Variants in PSD3 observed in about 807,000 individuals in gnomAD.
PSD3 encodes the protein PH and SEC7 domain-containing protein 3.
PSD3 carries 49 observed loss-of-function variants against 105.5 expected under a neutral mutation model. That is an observed-to-expected ratio of 0.46 (90% CI 0.37 to 0.59). The LOEUF (loss-of-function observed/expected upper bound fraction) is 0.59, where lower values mean the gene tolerates loss of function less well. Ranked by LOEUF, PSD3 falls within the 20% of genes least tolerant of loss-of-function variation. The pLI is 0.00. For synonymous variants in PSD3, 557 were observed against 457.8 expected, an observed-to-expected ratio of 1.22 and a Z score of -2.77; for missense variants, 1,561 against 1,263.8, an observed-to-expected ratio of 1.24 and a Z score of -3.57.
intron 9 of PSD3, among the ~76,000 whole-genome samples, chr8:18,667,880 G>A (rs113635920): frequency 2.0e-5 from 3 of 152,214 alleles, no homozygotes; most frequent in East Asian, 1.9e-4. Flanking sequence ...CCGGCAGGCC[G>A]GCACTGCTGG....
intron 10 of PSD3, among the ~76,000 whole-genome samples, chr8:18,643,558 C>A (rs1471908212): frequency 6.6e-6 from 1 of 152,282 alleles, no homozygotes; most frequent in African/African-American, 2.4e-5. Flanking sequence ...TATGGTGAGA[C>A]AGACATAGAT....
intron 10 of PSD3, among the ~76,000 whole-genome samples, chr8:18,637,711 T>C (rs567954727): frequency 6.6e-6 from 1 of 152,222 alleles, no homozygotes; most frequent in Non-Finnish European, 1.5e-5. Flanking sequence ...CTAGTTTCTA[T>C]ATTTTATTTT....
rs868493688 is a variant in PSD3 at position 18,787,887 on chromosome 8, C to T, written c.2082+11408G>A. On this transcript the variant is annotated intron_variant, in intron 8 of 15. Coordinates refer to ENST00000327040, the MANE Select transcript of PSD3 (RefSeq NM_015310.4). ...CAAGTGTCCAAGCTCTAGCAGGTTT[C>T]GTGAACTAAGGGCAAGACTCCAAAA... is the stretch of plus-strand genomic sequence containing the variant. 3.9e-5 allele frequency among the ~76,000 whole-genome samples: 6 copies of T among 152,134 alleles called. 1 individual carries two copies. Among genetic ancestry groups the T allele is most frequent in the South Asian group, 4.1e-4 (2 of 4,830 alleles).
Position 18,668,508 on chromosome 8 carries a change from G to C in PSD3, c.2173-12823C>G, listed in dbSNP as rs1024453079. ...ACTCTCACAGCAGCCATATATGAGA[G>C]AGGTAGTATTATTCCCACTCTAGAA... On this transcript the variant is annotated intron_variant, in intron 9 of 15. Transcript: ENST00000327040. Among the ~76,000 whole-genome samples the C allele has an allele frequency of 2.0e-5, 3 of 152,168 alleles. 1 individual carries two copies. The highest frequency in any genetic ancestry group is 3.9e-4 in the East Asian group (2 of 5,192).
At chr8:18,825,915 G>C (rs532747588) in intron 4 of PSD3, among the ~76,000 whole-genome samples, 1 of 152,222 alleles carries the variant, frequency 6.6e-6, no homozygotes, top group African/African-American at 2.4e-5. Context: ...AACTTGACTG[G>C]GCCACAGGAT....
At chr8:18,703,347 C>G (rs1425774357) in intron 9 of PSD3, among the ~76,000 whole-genome samples, 2 of 152,186 alleles carry the variant, frequency 1.3e-5, no homozygotes, top group Non-Finnish European at 2.9e-5. Flanking sequence ...CAGAGACTTA[C>G]ACAGAGAGGT....
chr8:19,021,443 A>AT (rs765197329), intron 1 of PSD3, among the ~76,000 whole-genome samples: 112 of 148,904 alleles, frequency 7.5e-4, no homozygotes, highest in African/African-American at 1.7e-3. Context: ...CTCACTCCCA[A>AT]TTTTTTTTTT....
intron 7 of PSD3, among the ~76,000 whole-genome samples, chr8:18,800,368 T>C (rs1810572653): frequency 6.6e-6 from 1 of 152,186 alleles, no homozygotes; most frequent in African/African-American, 2.4e-5. Context: ...AAACTAACTG[T>C]GACTGCAGCC....
chr8:18,554,240 A>T (rs1800938674), intron 15 of PSD3, among the ~76,000 whole-genome samples: 1 of 152,166 alleles, frequency 6.6e-6, no homozygotes, highest in African/African-American at 2.4e-5. Flanking sequence ...AAATTTAATT[A>T]GCTTGTGTGA....
intron 9 of PSD3, among the ~76,000 whole-genome samples, chr8:18,660,739 T>TA (rs1291655182): frequency 7.2e-5 from 11 of 152,224 alleles, no homozygotes; most frequent in Middle Eastern, 3.2e-3. Context: ...AAGCCTTGGT[T>TA]AAAAAATCAC....
chr8:18,859,638 C>T (rs748989695), intron 4 of PSD3, among the ~76,000 whole-genome samples: 1 of 152,236 alleles, frequency 6.6e-6, no homozygotes, highest in Non-Finnish European at 1.5e-5. Flanking sequence ...GCAGCTTCTA[C>T]ATCAGCACTT....
upstream of PSD3, among the ~76,000 whole-genome samples, chr8:19,015,108 T>G (rs1827135138): frequency 6.6e-6 from 1 of 152,078 alleles, no homozygotes; most frequent in East Asian, 1.9e-4. Flanking sequence ...GGGAGGAACC[T>G]TGTGGGAGGT....
At chr8:18,614,604 A>G (rs1425913379) in intron 11 of PSD3, among the ~76,000 whole-genome samples, 1 of 152,158 alleles carries the variant, frequency 6.6e-6, no homozygotes, top group African/African-American at 2.4e-5. Flanking sequence ...TGGGTTAATT[A>G]AAGAATGAAC....
At chr8:18,782,603 G>C (rs898525558) in intron 8 of PSD3, among the ~76,000 whole-genome samples, 1 of 152,194 alleles carries the variant, frequency 6.6e-6, no homozygotes, top group African/African-American at 2.4e-5. Context: ...AACACACGTG[G>C]ATATTGGTAA....
At chr8:18,747,376 T>A (rs981880487) in intron 9 of PSD3, among the ~76,000 whole-genome samples, 1 of 152,136 alleles carries the variant, frequency 6.6e-6, no homozygotes, top group African/African-American at 2.4e-5. Context: ...TTTTAAAAAA[T>A]CAATTTTCCC....
chr8:18,614,515 G>C (rs186463816), intron 11 of PSD3, among the ~76,000 whole-genome samples: 41 of 152,008 alleles, frequency 2.7e-4, no homozygotes, highest in African/African-American at 9.6e-4. Flanking sequence ...ATAAGACATT[G>C]AATATGGGAA....
chr8:18,804,901 A>G lies in PSD3; in HGVS notation c.1635-3T>C. ...GTGTTGTTTTCACCCCAGCATTGCT[A>G]TGATAATTGATAAAGAGAGAAAATA... On this transcript the variant is annotated splice_polypyrimidine_tract_variant and splice_region_variant and intron_variant, in intron 4 of 15. Coordinates refer to ENST00000327040, the MANE Select transcript of PSD3 (RefSeq NM_015310.4). 2.5e-6 allele frequency: 4 copies of G among 1,578,788 alleles called. No individual in the cohort carries two copies. Among genetic ancestry groups the G allele is most frequent in the South Asian group, 1.2e-5 (1 of 86,544 alleles).
chr8:18,849,001 C>T (rs1815347264), intron 4 of PSD3, among the ~76,000 whole-genome samples: 1 of 152,188 alleles, frequency 6.6e-6, no homozygotes, highest in Non-Finnish European at 1.5e-5. Context: ...TTCCAAAGGT[C>T]AAGATGTCAG....
At chr8:18,613,065 T>C (rs1379926486) in intron 11 of PSD3, among the ~76,000 whole-genome samples, 1 of 152,106 alleles carries the variant, frequency 6.6e-6, no homozygotes, top group East Asian at 1.9e-4. Flanking sequence ...CGGAAACGTG[T>C]GTGGGAAGCA....
Sources: allele counts gnomAD v4.1 joint callset (sites outside exome capture counted in the v4.1 genomes callset), GRCh38; gene constraint gnomAD v4.1.1; transcripts MANE v1.5; gene names NCBI Gene and HGNC (gene_info 2026-07-23, HGNC 2026-07-21).